The following NSUN3 variants were observed in gnomAD, a reference collection of about 807,000 sequenced individuals.
NSUN3 encodes tRNA (cytosine(34)-C(5))-methyltransferase, mitochondrial.
In NSUN3, 24 loss-of-function variants were observed where a neutral mutation model predicts 36.8. That is an observed-to-expected ratio of 0.65 (90% CI 0.47 to 0.92). The LOEUF (loss-of-function observed/expected upper bound fraction) is 0.92. Ranked by LOEUF, NSUN3 falls within the 40% of genes least tolerant of loss-of-function variation. The pLI is 0.00. For missense variants in NSUN3, 381 were observed against 392.8 expected (o/e 0.97, Z 0.25); for synonymous variants, 146 against 145.2 (o/e 1.01, Z -0.04).
At chr3:94,064,382 G>A (rs1161021801) in intron 1 of NSUN3, 55 bp from the exon 2 acceptor site, 22 of 1,038,778 alleles carry the variant, frequency 2.1e-5, no homozygotes, top group South Asian at 5.2e-5. Flanking sequence ...TAATGTTGAC[G>A]TTCAGTAAAT....
At chr3:94,110,445 C>A (rs1050874673) in intron 5 of NSUN3, among the ~76,000 whole-genome samples, 3 of 151,954 alleles carry the variant, frequency 2.0e-5, no homozygotes, top group African/African-American at 7.2e-5. Flanking sequence ...TTGCTGAATT[C>A]TCAGTAGGCT....
At chr3:94,091,036 G>A (rs781589358) in intron 3 of NSUN3, among the ~76,000 whole-genome samples, 6 of 152,150 alleles carry the variant, frequency 3.9e-5, no homozygotes, top group Non-Finnish European at 8.8e-5. Flanking sequence ...ATTATAATTG[G>A]AATAATGATA....
intron 2 of NSUN3, among the ~76,000 whole-genome samples, chr3:94,067,269 G>A (rs145448333): frequency 6.6e-6 from 1 of 152,194 alleles, no homozygotes; most frequent in African/African-American, 2.4e-5. Flanking sequence ...CGTTGGAGAG[G>A]ACAGCTGGAA....
chr3:94,119,393 T>A (rs1229738240), intron 5 of NSUN3, among the ~76,000 whole-genome samples: 1 of 152,130 alleles, frequency 6.6e-6, no homozygotes, highest in African/African-American at 2.4e-5. Flanking sequence ...GGCCACAACA[T>A]GGTCTGGTTC....
At chr3:94,083,919 A>G (rs1300435989) in intron 2 of NSUN3, among the ~76,000 whole-genome samples, 188 bp from the exon 3 acceptor site, 1 of 152,156 alleles carries the variant, frequency 6.6e-6, no homozygotes, top group Non-Finnish European at 1.5e-5. Flanking sequence ...GGATCATAAC[A>G]ATGCTGGATT....
chr3:94,100,284 A>T (rs9810986), intron 5 of NSUN3, among the ~76,000 whole-genome samples: 9,657 of 152,278 alleles, frequency 0.063, 619 homozygotes, highest in African/African-American at 0.16. Context: ...ACACGTGAGA[A>T]CTTACACAGC....
At chr3:94,112,799 T>C (rs2077423259) in intron 5 of NSUN3, among the ~76,000 whole-genome samples, 1 of 152,200 alleles carries the variant, frequency 6.6e-6, no homozygotes, top group African/African-American at 2.4e-5. Context: ...GAAGAGTAAC[T>C]AGAGGTGTCT....
At chr3:94,099,016 G>A (rs1043617929) in intron 5 of NSUN3, among the ~76,000 whole-genome samples, 1 of 152,134 alleles carries the variant, frequency 6.6e-6, no homozygotes, top group Non-Finnish European at 1.5e-5. Flanking sequence ...TGTCTGGCAT[G>A]TAGAAAAGAC....
chr3:94,077,925 A>G (rs749329037), intron 2 of NSUN3, among the ~76,000 whole-genome samples: 1 of 152,028 alleles, frequency 6.6e-6, no homozygotes, highest in Non-Finnish European at 1.5e-5. Flanking sequence ...AGGGATTTTC[A>G]TGTCTCTATC....
At chr3:94,123,404 A>G (rs2077472452) in intron 5 of NSUN3, among the ~76,000 whole-genome samples, 1 of 152,200 alleles carries the variant, frequency 6.6e-6, no homozygotes. Flanking sequence ...GGCTGCAAAT[A>G]GAATTCACTT....
intron 5 of NSUN3, among the ~76,000 whole-genome samples, chr3:94,125,492 T>G (rs1402912500): frequency 1.3e-5 from 2 of 152,342 alleles, no homozygotes; most frequent in South Asian, 4.1e-4. Flanking sequence ...TATTCAATTT[T>G]CTTAGATAAA....
At chr3:94,080,998 A>T (rs1232453554) in intron 2 of NSUN3, among the ~76,000 whole-genome samples, 1 of 152,044 alleles carries the variant, frequency 6.6e-6, no homozygotes, top group Non-Finnish European at 1.5e-5. Flanking sequence ...CTGCCTAAAG[A>T]GCCACCCAAT....
intron 2 of NSUN3, among the ~76,000 whole-genome samples, chr3:94,083,004 G>A (rs1313748368): frequency 6.6e-6 from 1 of 151,772 alleles, no homozygotes; most frequent in Non-Finnish European, 1.5e-5. Context: ...AATATTAATA[G>A]TCTCTAGGAA....
intron 3 of NSUN3, among the ~76,000 whole-genome samples, chr3:94,085,792 C>T (rs1280791403): frequency 6.6e-6 from 1 of 152,066 alleles, no homozygotes; most frequent in African/African-American, 2.4e-5. Context: ...TTTACTGTTT[C>T]TTCACACTCC....
At position 94,094,208 on chromosome 3, in the gene NSUN3, A is replaced by G; in HGVS notation, c.535A>G (p.Ile179Val). The part of the protein sequence containing the change: ...RWLRQTLESF[I>V]PQPLINVIKV... ...GCTAAGGCAGACGTTGGAATCTTTC[A>G]TCCCACAGCCTTTGATAAATGTAAT... is the stretch of plus-strand genomic sequence containing the variant. The change falls in exon 4 of 6, where the codon ATC becomes GTC. Residue 179 changes from isoleucine (I) to valine (V), a missense_variant. By Grantham distance (29) the Ile-to-Val change is conservative. Transcript: ENST00000314622. The G allele has an allele frequency of 1.2e-6, 2 of 1,613,746 alleles. No homozygotes were observed. The highest frequency in any genetic ancestry group is 1.1e-5 in the South Asian group (1 of 91,076).
rs7631999 is a variant in NSUN3 at position 94,096,594 on chromosome 3, G to T, written c.743+1440G>T. Among the ~76,000 whole-genome samples, 800 of 152,204 alleles carry T rather than the reference G, an allele frequency of 5.3e-3. 12 individuals are homozygous for T. The highest frequency in any genetic ancestry group is 0.018 in the African/African-American group (767 of 41,530). ...GCTCACTCCAACATCTACCTCCTGG[G>T]TTCAAGCGATTCTCATGCCTCAGCC... On this transcript the variant is annotated intron_variant, in intron 5 of 5. Coordinates refer to ENST00000314622, the MANE Select transcript of NSUN3 (RefSeq NM_022072.5).
intron 5 of NSUN3, among the ~76,000 whole-genome samples, chr3:94,119,025 CTGTT>C (rs995207533): frequency 1.3e-5 from 2 of 152,108 alleles, no homozygotes; most frequent in East Asian, 1.9e-4. Flanking sequence ...ATACAGTCCT[CTGTT>C]TGTGATTTGG....
At chr3:94,072,289 A>G (rs1188290519) in intron 2 of NSUN3, among the ~76,000 whole-genome samples, 1 of 152,188 alleles carries the variant, frequency 6.6e-6, no homozygotes, top group Non-Finnish European at 1.5e-5. Context: ...CTTTAAAGTC[A>G]GTCTGATTTT....
chr3:94,121,876 G>A (rs1304223533), intron 5 of NSUN3, among the ~76,000 whole-genome samples: 7 of 152,164 alleles, frequency 4.6e-5, no homozygotes, highest in African/African-American at 1.7e-4. Flanking sequence ...CAGGCGTGGT[G>A]GCTCATGCCT....
Sources: gnomAD v4.1 joint callset for allele counts (sites outside exome capture counted in the v4.1 genomes callset) on GRCh38, gnomAD v4.1.1 for gene constraint, MANE v1.5 for transcripts, NCBI Gene and HGNC (gene_info 2026-07-23, HGNC 2026-07-21) for gene names.